Variants in PDILT observed in about 807,000 individuals in gnomAD.
PDILT encodes protein disulfide-isomerase-like protein of the testis.
A neutral mutation model predicts 53.7 loss-of-function variants in PDILT; 43 were observed. That is an observed-to-expected ratio of 0.80 (90% CI 0.63 to 1.03). PDILT has a LOEUF of 1.03. Ranked by LOEUF, PDILT falls within the 50% of genes least tolerant of loss-of-function variation. The probability of loss-of-function intolerance (pLI) is 0.00; values close to 1 mark genes in which losing one functional copy is unlikely to be tolerated. For synonymous variants in PDILT, 282 were observed against 274.2 expected (o/e 1.03, Z -0.28); for missense variants, 727 against 712.3 (o/e 1.02, Z -0.24).
chr16:20,374,704 A>C, intron 5 of PDILT, 118 bp downstream of exon 5: 1 of 1,180,988 alleles, frequency 8.5e-7, no homozygotes, highest in Non-Finnish European at 1.2e-6. Context: ...CACAGAAGTC[A>C]ACTAGTCCAA....
At position 20,369,560 on chromosome 16, in the gene PDILT, G is replaced by A; in HGVS notation, c.1048C>T (p.Pro350Ser). ...NLSSDARYKMPSDDITYESLK... is the reference protein window; with the variant it reads ...NLSSDARYKMSSDDITYESLK... ...CTTTCGTAGGTTATGTCATCTGAAGGCATTTTGTACCTGGCGTCAGAGCTC... is the reference window on the plus strand; with the variant it reads ...CTTTCGTAGGTTATGTCATCTGAAGACATTTTGTACCTGGCGTCAGAGCTC... Residue 350 changes from proline to serine, a missense_variant, in exon 8 of 12, where the codon CCT becomes TCT. Physicochemically the swap from Pro to Ser is moderately conservative, Grantham distance 74 (BLOSUM62 -1). Coordinates refer to ENST00000302451, the MANE Select transcript of PDILT (RefSeq NM_174924.2). 6 of 1,614,174 alleles carry A rather than the reference G, an allele frequency of 3.7e-6. No individual in the cohort carries two copies. Among genetic ancestry groups the A allele is most frequent in the Non-Finnish European group, 5.1e-6 (6 of 1,180,032 alleles).
chr16:20,361,175 C>T (rs1966094807), intron 10 of PDILT, among the ~76,000 whole-genome samples: 2 of 149,390 alleles, frequency 1.3e-5, no homozygotes, highest in South Asian at 2.1e-4. Context: ...TCCATTATCA[C>T]AAGTTCCCTT....
rs539799189 is a variant in PDILT at position 20,359,552 on chromosome 16, G to T, written c.1522C>A (p.Gln508Lys). 6 of 1,613,848 alleles carry T rather than the reference G, an allele frequency of 3.7e-6. No individual in the cohort carries two copies. The highest frequency in any genetic ancestry group is 4.5e-5 in the East Asian group (2 of 44,882). ...EDEDELLSVEQNEVIEEEVLA... is the reference protein window; with the variant it reads ...EDEDELLSVEKNEVIEEEVLA... ...ACTTCCTCTTCTATCACTTCATTTTGCTCAACAGACAACAGCTATGAAAGC... is the reference window on the plus strand; with the variant it reads ...ACTTCCTCTTCTATCACTTCATTTTTCTCAACAGACAACAGCTATGAAAGC... Residue 508 changes from glutamine to lysine, a missense_variant, in exon 12 of 12, where the codon CAA (glutamine) becomes AAA (lysine). Gln to Lys is a moderately conservative substitution (Grantham distance 53, BLOSUM62 1). Transcript: ENST00000302451.
At position 20,369,519 on chromosome 16, in the gene PDILT, G is replaced by A; in HGVS notation, c.1089C>T (p.Gly363=). 1 of 1,614,164 alleles carries A rather than the reference G, an allele frequency of 6.2e-7. No individual in the cohort carries two copies. Among genetic ancestry groups the A allele is most frequent in the Non-Finnish European group, 8.5e-7 (1 of 1,179,998 alleles). ...TGGCATTTTTACTCAGGAAGCTGCGGCCAAATTTCTTGAGGCTTTCGTAGG... is the reference window on the plus strand; with the variant it reads ...TGGCATTTTTACTCAGGAAGCTGCGACCAAATTTCTTGAGGCTTTCGTAGG... ...DITYESLKKF[G]RSFLSKNATK... is the part of the protein sequence containing the mutation. Residue 363 remains glycine, a synonymous_variant, in exon 8 of 12, where the codon GGC becomes GGT. Transcript: ENST00000302451.
chr16:20,400,015 T>C (rs7193048), intron 1 of PDILT, among the ~76,000 whole-genome samples: 45,414 of 115,886 alleles, frequency 0.39, 7,504 homozygotes, highest in Admixed American at 0.46. Flanking sequence ...AATATATCTC[T>C]ATCTATCTAT....
At chr16:20,391,802 G>C (rs1041192118) in intron 2 of PDILT, among the ~76,000 whole-genome samples, 2 of 151,918 alleles carry the variant, frequency 1.3e-5, no homozygotes, top group Non-Finnish European at 2.9e-5. Context: ...GCATAGGAAG[G>C]CCTCCCAGCC....
At chr16:20,385,734 T>C (rs1012428474) in intron 2 of PDILT, among the ~76,000 whole-genome samples, 5 of 152,090 alleles carry the variant, frequency 3.3e-5, no homozygotes, top group South Asian at 2.1e-4. Flanking sequence ...CCCCCAAAGC[T>C]ATTGAAATAA....
At chr16:20,367,090 TCTTTCTTTCTTTC>T in intron 8 of PDILT, among the ~76,000 whole-genome samples, 1 of 91,486 alleles carries the variant, frequency 1.1e-5, no homozygotes, top group Non-Finnish European at 2.3e-5. Context: ...TTTCTTTCTT[TCTTTCTTTCTTTC>T]TTCCTTTCTT....
chr16:20,369,613 T>G lies in PDILT; in HGVS notation c.995A>C (p.Asp332Ala), dbSNP rs1343306491. The stretch of plus-strand genomic sequence containing the variant: ...GTTTAGGATTTGGACGGATGGGATA[T>G]CGACCTCTGTGACCCGGAAGTACTT... ...VFKYFRVTEV[D>A]IPSVQILNLS... Residue 332 changes from aspartate to alanine, a missense_variant, in exon 8 of 12, where the codon GAT (aspartate) becomes GCT (alanine). By Grantham distance (126) the Asp-to-Ala change is moderately radical (BLOSUM62 -2). Coordinates refer to ENST00000302451, the MANE Select transcript of PDILT (RefSeq NM_174924.2). The G allele has an allele frequency of 6.2e-7, 1 of 1,614,114 alleles. No homozygotes were observed. The highest frequency in any genetic ancestry group is 8.5e-7 in the Non-Finnish European group (1 of 1,180,054).
intron 7 of PDILT, 68 bp from the exon 8 acceptor site, chr16:20,369,757 T>C: frequency 2.0e-6 from 3 of 1,513,980 alleles, no homozygotes; most frequent in Non-Finnish European, 1.8e-6. Flanking sequence ...GCTGAAAGGC[T>C]GTGGACTAAG....
At chr16:20,374,758 A>C in intron 5 of PDILT, 64 bp downstream of exon 5, 1 of 1,524,770 alleles carries the variant, frequency 6.6e-7, no homozygotes, top group East Asian at 2.3e-5. Context: ...TTGTACCCAA[A>C]GCTCATACGA....
chr16:20,367,583 A>T (rs1567321186), intron 8 of PDILT, among the ~76,000 whole-genome samples: 1 of 152,184 alleles, frequency 6.6e-6, no homozygotes, highest in Non-Finnish European at 1.5e-5. Context: ...GGAGACGGAC[A>T]CCACCTCAGA....
intron 2 of PDILT, 84 bp from the exon 3 acceptor site, chr16:20,384,935 C>T (rs772180025): frequency 6.0e-5 from 79 of 1,326,244 alleles, no homozygotes; most frequent in Non-Finnish European, 8.2e-5. Flanking sequence ...GCCTGCTTAG[C>T]TCCCGGAACC....
chr16:20,367,489 T>C (rs1343633511), intron 8 of PDILT, among the ~76,000 whole-genome samples: 1 of 152,178 alleles, frequency 6.6e-6, no homozygotes, highest in East Asian at 1.9e-4. Context: ...TGGGAATGGC[T>C]CAGATCAGGT....
At chr16:20,397,248 AC>A (rs1966673114) in intron 2 of PDILT, among the ~76,000 whole-genome samples, 1 of 151,944 alleles carries the variant, frequency 6.6e-6, no homozygotes, top group Non-Finnish European at 1.5e-5. Flanking sequence ...CGATTCTCCC[AC>A]CTCAGCCTCC....
intron 2 of PDILT, among the ~76,000 whole-genome samples, chr16:20,392,290 T>C (rs959816715): frequency 5.3e-5 from 8 of 152,170 alleles, no homozygotes; most frequent in African/African-American, 1.9e-4. Flanking sequence ...CAGCAGATTG[T>C]TGGGACCAAA....
chr16:20,376,081 A>G lies in PDILT; in HGVS notation c.530T>C (p.Val177Ala), dbSNP rs746737295. The G allele has an allele frequency of 9.3e-6, 15 of 1,614,002 alleles. 1 individual carries two copies. The South Asian group carries it at 1.5e-4, about 17-fold the overall frequency. ...EFVISRPLVI[V>A]GFFQDLEEEV... ...TGGTCCCAGTACCTGGAAGAAGCCA[A>G]CGATGACCAAGGGCCTGGATATCAC... The change falls in exon 4 of 12, where the codon GTT (valine) becomes GCT (alanine). Residue 177 changes from valine (V) to alanine (A), a missense_variant. Val to Ala is a moderately conservative substitution (Grantham distance 64, BLOSUM62 0). Coordinates refer to ENST00000302451, the MANE Select transcript of PDILT (RefSeq NM_174924.2).
intron 2 of PDILT, among the ~76,000 whole-genome samples, chr16:20,398,532 G>A (rs1316008772): frequency 6.6e-6 from 1 of 152,210 alleles, no homozygotes; most frequent in African/African-American, 2.4e-5. Flanking sequence ...TCAGATGTAT[G>A]AGGCATGAGA....
chr16:20,391,888 A>C (rs1966610399), intron 2 of PDILT, among the ~76,000 whole-genome samples: 1 of 151,886 alleles, frequency 6.6e-6, no homozygotes, highest in South Asian at 2.1e-4. Flanking sequence ...GAAGGAGTGT[A>C]GGAAGGATAC....
Sources: allele counts gnomAD v4.1 joint callset (sites outside exome capture counted in the v4.1 genomes callset), GRCh38; gene constraint gnomAD v4.1.1; transcripts MANE v1.5; gene names NCBI Gene and HGNC (gene_info 2026-07-23, HGNC 2026-07-21).